The following SPAG9 variants were observed in gnomAD, a reference collection of about 807,000 sequenced individuals.
SPAG9 encodes sperm associated antigen 9, also known as C-Jun-amino-terminal kinase-interacting protein 4.
A neutral mutation model predicts 166.5 loss-of-function variants in SPAG9; 35 were observed. The observed-to-expected ratio is 0.21, with a 90% CI of 0.16 to 0.28. The LOEUF is 0.28. SPAG9 is among the 10% of genes least tolerant of loss of function. SPAG9 has a pLI of 1.00. For missense variants in SPAG9, 1,235 were observed against 1,603.3 expected, an observed-to-expected ratio of 0.77 and a Z score of 3.92; for synonymous variants, 534 against 565.5, an observed-to-expected ratio of 0.94 and a Z score of 0.79.
chr17:50,996,747 T>C (rs1419449915), intron 15 of SPAG9, 53 bp from the exon 16 acceptor site: 9 of 1,581,342 alleles, frequency 5.7e-6, no homozygotes, highest in Admixed American at 1.7e-5. Context: ...ATTACGTTTA[T>C]CCCCAGTTTT....
intron 5 of SPAG9, among the ~76,000 whole-genome samples, chr17:51,038,479 G>A (rs932257968): frequency 6.6e-6 from 1 of 152,154 alleles, no homozygotes; most frequent in African/African-American, 2.4e-5. Context: ...CTACTAAAAG[G>A]TAAGATGAGG....
chr17:50,977,443 C>T (rs1457188620), intron 26 of SPAG9, among the ~76,000 whole-genome samples: 1 of 151,978 alleles, frequency 6.6e-6, no homozygotes, highest in Non-Finnish European at 1.5e-5. Flanking sequence ...GTCTATCTGA[C>T]AATTCAGGGT....
chr17:51,007,566 C>T (rs12952078), intron 9 of SPAG9, among the ~76,000 whole-genome samples: 34,376 of 151,944 alleles, frequency 0.23, 4,823 homozygotes, highest in Non-Finnish European at 0.31. Flanking sequence ...AAATCTGAAT[C>T]GGCTTGCTAG....
At chr17:51,009,003 GA>G (rs2045344363) in intron 9 of SPAG9, 3 of 352,932 alleles carry the variant, frequency 8.5e-6, no homozygotes, top group Non-Finnish European at 1.7e-5. Context: ...CGTGGAAGCT[GA>G]AAATATATGA....
intron 6 of SPAG9, among the ~76,000 whole-genome samples, chr17:51,026,774 T>A (rs2046197182): frequency 6.6e-6 from 1 of 151,542 alleles, no homozygotes; most frequent in Non-Finnish European, 1.5e-5. Context: ...CCTCCCAGGT[T>A]CAAGTGATTC....
At chr17:51,055,527 T>C (rs975322509) in intron 3 of SPAG9, among the ~76,000 whole-genome samples, 15 of 152,134 alleles carry the variant, frequency 9.9e-5, no homozygotes, top group Admixed American at 9.2e-4. Context: ...TTTTATACTC[T>C]TCTAAAGAAA....
At chr17:50,983,984 G>C (rs1375610066) in intron 24 of SPAG9, among the ~76,000 whole-genome samples, 1 of 152,152 alleles carries the variant, frequency 6.6e-6, no homozygotes, top group African/African-American at 2.4e-5. Flanking sequence ...AAAGATAGGA[G>C]ATTTTGGGAA....
At chr17:51,103,253 T>C (rs1274549162) in intron 1 of SPAG9, among the ~76,000 whole-genome samples, 3 of 152,156 alleles carry the variant, frequency 2.0e-5, no homozygotes, top group Non-Finnish European at 4.4e-5. Context: ...AAATTTCTGT[T>C]AATTATCTAC....
At position 51,120,523 on chromosome 17, in the gene SPAG9, T is replaced by A. The variant is rs758027245; in HGVS notation, c.134A>T (p.Glu45Val). ...FERLIGRYDE[E>V]VVKELMPLVV... ...CAGCGGCATCAGCTCTTTGACCACC[T>A]CCTCGTCATAGCGCCCGATAAGCCG... Residue 45 changes from glutamate to valine, a missense_variant, in exon 1 of 30, where the codon GAG (glutamate) becomes GTG (valine). Glu to Val is a moderately radical substitution (Grantham distance 121). Coordinates refer to ENST00000262013, the MANE Select transcript of SPAG9 (RefSeq NM_001130528.3). This position sits in a 1 kb window ranked among gnomAD's most constrained non-coding sequence, Gnocchi z 4.7. 6.2e-7 allele frequency: 1 copy of A among 1,613,656 alleles called. No homozygotes were observed. Among genetic ancestry groups the A allele is most frequent in the Non-Finnish European group, 8.5e-7 (1 of 1,179,854 alleles).
chr17:51,047,304 C>G, intron 4 of SPAG9, 71 bp downstream of exon 4: 1 of 880,686 alleles, frequency 1.1e-6, no homozygotes, highest in Non-Finnish European at 1.7e-6. Context: ...GATTAAAGAA[C>G]AGAGAAAAAC....
At chr17:51,026,082 G>T (rs2046156968) in intron 6 of SPAG9, among the ~76,000 whole-genome samples, 1 of 151,930 alleles carries the variant, frequency 6.6e-6, no homozygotes, top group South Asian at 2.1e-4. Flanking sequence ...GTCAATCTTG[G>T]AATTCTCATT....
intron 3 of SPAG9, among the ~76,000 whole-genome samples, chr17:51,053,847 AAAAAAAAGTATATATATAT>A (rs1568044498): frequency 2.7e-5 from 2 of 74,480 alleles, no homozygotes; most frequent in African/African-American, 1.3e-4. Context: ...AAAAAAAAAA[AAAAAAAAGTATATATATAT>A]ATATATATAT....
At chr17:51,094,330 A>G (rs1242563217) in intron 1 of SPAG9, among the ~76,000 whole-genome samples, 2 of 152,196 alleles carry the variant, frequency 1.3e-5, no homozygotes, top group Non-Finnish European at 1.5e-5. Flanking sequence ...TATAAGAAAT[A>G]AAAATGGGAC....
rs1597874459 is a variant in SPAG9, at chr17:50,970,952, G to A, written c.3701-96C>T. ...AGTATTTTTAGAGTTAAACAAAAAG[G>A]TAAATATATTCTAATAACCAAATAC... On this transcript the variant is annotated intron_variant, in intron 28 of 29. Coordinates refer to ENST00000262013, the MANE Select transcript of SPAG9 (RefSeq NM_001130528.3). The A allele has an allele frequency of 7.9e-6, 8 of 1,010,774 alleles. No homozygotes were observed. In the East Asian group the frequency reaches 2.0e-4, roughly 25 times the overall value. The allele number at this position is 1,010,774 out of a possible 1,614,324, so 62.6% of individuals were successfully genotyped here.
intron 1 of SPAG9, among the ~76,000 whole-genome samples, chr17:51,083,705 G>A (rs2048232760): frequency 6.6e-6 from 1 of 151,898 alleles, no homozygotes; most frequent in Non-Finnish European, 1.5e-5. Flanking sequence ...ACATGTGTGA[G>A]CCACCATGTT....
At chr17:51,028,771 A>T (rs1381867721) in intron 6 of SPAG9, among the ~76,000 whole-genome samples, 1 of 152,238 alleles carries the variant, frequency 6.6e-6, no homozygotes, top group African/African-American at 2.4e-5. Flanking sequence ...GAATCATTCA[A>T]CATAAAGTTC....
chr17:51,096,275 G>C (rs1388435871), intron 1 of SPAG9, among the ~76,000 whole-genome samples: 1 of 151,502 alleles, frequency 6.6e-6, no homozygotes, highest in Non-Finnish European at 1.5e-5. Context: ...CTTGAACCCA[G>C]GAGGCGGAGG....
intron 8 of SPAG9, among the ~76,000 whole-genome samples, chr17:51,015,269 G>A (rs1286162925): frequency 1.3e-5 from 2 of 151,996 alleles, no homozygotes; most frequent in Admixed American, 6.5e-5. Flanking sequence ...GAAAGGCCTA[G>A]GACTTGAAGG....
intron 1 of SPAG9, among the ~76,000 whole-genome samples, chr17:51,111,047 C>T (rs2049096220): frequency 6.6e-6 from 1 of 151,350 alleles, no homozygotes; most frequent in East Asian, 1.9e-4. Flanking sequence ...ATCCAGGAGG[C>T]GGAGGTTGCA....
Sources: gnomAD v4.1 joint callset for allele counts (sites outside exome capture counted in the v4.1 genomes callset) on GRCh38, gnomAD v4.1.1 for gene constraint, Gnocchi (gnomAD v3.1) non-coding constraint, MANE v1.5 for transcripts, NCBI Gene and HGNC (gene_info 2026-07-23, HGNC 2026-07-21) for gene names.